CRTAM: variants seen among roughly 807,000 people sequenced by gnomAD.
CRTAM encodes the protein cytotoxic and regulatory T cell molecule.
Under a neutral mutation model 50.0 loss-of-function variants are expected in CRTAM, and 44 were observed. That is an observed-to-expected ratio of 0.88 (90% CI 0.69 to 1.13). The LOEUF is 1.13. CRTAM is among the 50% of genes most tolerant of loss of function. The pLI, the probability that CRTAM is intolerant of heterozygous loss-of-function variation, is 0.00. For missense variants in CRTAM, 448 were observed against 457.5 expected, an observed-to-expected ratio of 0.98 and a Z score of 0.19; for synonymous variants, 159 against 169.3, an observed-to-expected ratio of 0.94 and a Z score of 0.47.
At chr11:122,863,337 G>GAAAGAAAGAA (rs1450934013) in intron 6 of CRTAM, among the ~76,000 whole-genome samples, 1 of 106,106 alleles carries the variant, frequency 9.4e-6, no homozygotes, top group South Asian at 2.9e-4. Context: ...AAGAAAGAAA[G>GAAAGAAAGAA]AAAGAAAGAA....
chr11:122,838,622 C>T, intron 1 of CRTAM, 30 bp downstream of exon 1: 2 of 1,609,264 alleles, frequency 1.2e-6, no homozygotes, highest in Non-Finnish European at 1.7e-6. Context: ...TTTGTTGTTG[C>T]TCAGCTGACT....
intron 9 of CRTAM, among the ~76,000 whole-genome samples, chr11:122,870,922 T>G (rs1025715431): frequency 6.6e-6 from 1 of 152,046 alleles, no homozygotes; most frequent in African/African-American, 2.4e-5. Flanking sequence ...CTACAAATAA[T>G]TTGAAAATTA....
intron 1 of CRTAM, among the ~76,000 whole-genome samples, chr11:122,842,928 C>T (rs886352014): frequency 9.9e-5 from 15 of 152,106 alleles, no homozygotes; most frequent in Admixed American, 2.0e-4. Context: ...AGTTTGGGGT[C>T]TTTGCAGGAC....
intron 9 of CRTAM, among the ~76,000 whole-genome samples, chr11:122,868,420 C>T (rs1349607920): frequency 6.6e-6 from 1 of 151,966 alleles, no homozygotes; most frequent in Non-Finnish European, 1.5e-5. Context: ...TAGGGAGTCT[C>T]GAGTTCTGCT....
At chr11:122,850,533 TGACA>T (rs1861917296) in intron 2 of CRTAM, among the ~76,000 whole-genome samples, 1 of 152,030 alleles carries the variant, frequency 6.6e-6, no homozygotes, top group Non-Finnish European at 1.5e-5. Context: ...CACAGCACAA[TGACA>T]GACAGGCAAC....
intron 5 of CRTAM, among the ~76,000 whole-genome samples, chr11:122,861,398 A>G (rs889473275): frequency 5.7e-5 from 1 of 17,652 alleles, no homozygotes; most frequent in Non-Finnish European, 1.0e-4. Context: ...ATATATATAT[A>G]TATATATATA....
At chr11:122,854,208 C>T in intron 4 of CRTAM, 122 bp downstream of exon 4, 1 of 930,954 alleles carries the variant, frequency 1.1e-6, no homozygotes, top group South Asian at 2.1e-5. Flanking sequence ...ATTTCATCAG[C>T]TCTTTTCCAG....
intron 1 of CRTAM, among the ~76,000 whole-genome samples, chr11:122,843,868 A>G (rs1163079701): frequency 6.6e-6 from 1 of 152,224 alleles, no homozygotes; most frequent in Non-Finnish European, 1.5e-5. Context: ...ATTTTTAAGC[A>G]CTACAGTCTA....
chr11:122,859,876 CT>C (rs1255249718), intron 5 of CRTAM, among the ~76,000 whole-genome samples: 1 of 152,200 alleles, frequency 6.6e-6, no homozygotes, highest in Non-Finnish European at 1.5e-5. Flanking sequence ...TACTGATTCA[CT>C]AAGTTCTACA....
At position 122,872,244 on chromosome 11, in the gene CRTAM, C is replaced by G. The variant is rs1180041622; in HGVS notation, c.*845C>G. The G allele has an allele frequency of 6.6e-6, 1 of 152,210 alleles. No individual in the cohort carries two copies. The highest frequency in any genetic ancestry group is 1.5e-5 in the Non-Finnish European group (1 of 68,110). The allele number at this position is 152,210 out of a possible 1,614,324, so 9.4% of individuals were successfully genotyped here. On this transcript the variant is annotated 3_prime_UTR_variant, in exon 10 of 10. Coordinates refer to ENST00000227348, the MANE Select transcript of CRTAM (RefSeq NM_019604.4). ...AAATGAGTCAGATGAGCAAGAAGGC[C>G]CCAGAACCCATGCCCCAAGGCACAA...
At chr11:122,861,386 G>GTATATATATA (rs71057304) in intron 5 of CRTAM, among the ~76,000 whole-genome samples, 5 of 41,826 alleles carry the variant, frequency 1.2e-4, no homozygotes, top group African/African-American at 2.8e-4. Context: ...ATACATATAC[G>GTATATATATA]TATATATATA....
chr11:122,863,351 A>AAG (rs1244147699), intron 6 of CRTAM, among the ~76,000 whole-genome samples: 814 of 60,708 alleles, frequency 0.013, 4 homozygotes, highest in Middle Eastern at 0.077. Context: ...GAAAGAAAGA[A>AAG]AAAGAAAGAA....
In CRTAM at chr11:122,870,905, C is replaced by T. The variant is rs184794084; in HGVS notation, c.1052-364C>T. Among the ~76,000 whole-genome samples, 331 of 151,972 alleles carry T rather than the reference C, an allele frequency of 2.2e-3. 5 individuals are homozygous for T. Among genetic ancestry groups the T allele is most frequent in the Non-Finnish European group, 1.1e-3 (77 of 67,980 alleles). On this transcript the variant is annotated intron_variant, in intron 9 of 9. Transcript: ENST00000227348. Reference sequence around the variant, plus strand: ...ACCAGCCTAGGCAATATAGTGAAACCCCGTCTCTACAAATAATTTGAAAAT... The same window carrying T: ...ACCAGCCTAGGCAATATAGTGAAACTCCGTCTCTACAAATAATTTGAAAAT...
intron 6 of CRTAM, among the ~76,000 whole-genome samples, chr11:122,863,363 GAAA>G (rs1862124181): frequency 6.6e-6 from 1 of 150,784 alleles, no homozygotes. Context: ...AAGAAAGAAA[GAAA>G]GAAAAAGAAA....
Position 122,854,089 on chromosome 11 carries a change from A to T in CRTAM, c.490+3A>T. The T allele has an allele frequency of 6.2e-7, 1 of 1,608,154 alleles. No individual in the cohort carries two copies. The highest frequency in any genetic ancestry group is 8.5e-7 in the Non-Finnish European group (1 of 1,178,324). ...TGGGAATAGCATGGAAGTGTCCGGT[A>T]AGGGGAGAAATGGTTCTCTTTGTCT... On this transcript the variant is annotated splice_donor_region_variant and intron_variant, in intron 4 of 9. Coordinates refer to ENST00000227348, the MANE Select transcript of CRTAM (RefSeq NM_019604.4).
chr11:122,847,712 A>C (rs991698884), intron 1 of CRTAM, among the ~76,000 whole-genome samples: 1 of 152,206 alleles, frequency 6.6e-6, no homozygotes, highest in Admixed American at 6.5e-5. Flanking sequence ...TGTCCCATGC[A>C]AAGGGGCATA....
Position 122,850,087 on chromosome 11 carries a change from C to G in CRTAM, c.66C>G (p.His22Gln). 6.2e-7 allele frequency: 1 copy of G among 1,612,154 alleles called. No individual in the cohort carries two copies. The change falls in exon 2 of 10, where the codon CAC (histidine) becomes CAG (glutamine). Residue 22 changes from histidine to glutamine, a missense_variant. By Grantham distance (24) the His-to-Gln change is conservative. Transcript: ENST00000227348. ...FPLQEASLTNHTETITVEEGQ... is the reference protein window; with the variant it reads ...FPLQEASLTNQTETITVEEGQ... ...CCACAGAGGCCTCTCTGACTAACCA[C>G]ACAGAAACCATCACCGTGGAGGAAG...
intron 1 of CRTAM, among the ~76,000 whole-genome samples, chr11:122,844,466 A>G (rs979712281): frequency 6.6e-6 from 1 of 152,212 alleles, no homozygotes; most frequent in Non-Finnish European, 1.5e-5. Context: ...GTTTCTTAAT[A>G]CTACTCTTTA....
chr11:122,866,008 C>T (rs1455401559), intron 7 of CRTAM, among the ~76,000 whole-genome samples: 2 of 152,150 alleles, frequency 1.3e-5, no homozygotes, highest in African/African-American at 4.8e-5. Context: ...CTCTGGTTCA[C>T]TTTTAGCACC....
Sources: allele counts gnomAD v4.1 joint callset (sites outside exome capture counted in the v4.1 genomes callset), GRCh38; gene constraint gnomAD v4.1.1; transcripts MANE v1.5; gene names NCBI Gene and HGNC (gene_info 2026-07-23, HGNC 2026-07-21).